HECW2: variants seen among roughly 807,000 people sequenced by gnomAD.
HECW2 encodes HECT, C2 and WW domain containing E3 ubiquitin protein ligase 2.
HECW2 carries 61 observed loss-of-function variants against 175.2 expected under a neutral mutation model. The observed-to-expected ratio is 0.35, with a 90% CI of 0.28 to 0.43. The LOEUF (loss-of-function observed/expected upper bound fraction) is 0.43, where lower values mean the gene tolerates loss of function less well. Among genes scored for constraint, HECW2 ranks in the 20% least tolerant of loss-of-function variants. HECW2 has a pLI of 1.00. For missense variants in HECW2, 1,524 were observed against 2,000.5 expected (o/e 0.76, Z 4.54); for synonymous variants, 671 against 731.0 (o/e 0.92, Z 1.32).
intron 28 of HECW2, among the ~76,000 whole-genome samples, chr2:196,208,913 T>C (rs535002968): frequency 5.3e-5 from 8 of 152,152 alleles, no homozygotes; most frequent in South Asian, 2.1e-4. Flanking sequence ...CTTGAGATGT[T>C]TGCAGATCCC....
At chr2:196,582,695 C>A (rs1380806611) in intron 1 of HECW2, among the ~76,000 whole-genome samples, 1 of 152,194 alleles carries the variant, frequency 6.6e-6, no homozygotes. Flanking sequence ...TGATCCAGAA[C>A]AGGTACTGCG....
At chr2:196,491,377 C>T (rs868197374) in intron 1 of HECW2, among the ~76,000 whole-genome samples, 8,981 of 147,684 alleles carry the variant, frequency 0.061, 522 homozygotes, top group African/African-American at 0.14. Flanking sequence ...TATACACACA[C>T]ACACACACAC....
At chr2:196,379,279 T>C (rs1261199998) in intron 2 of HECW2, among the ~76,000 whole-genome samples, 1 of 152,102 alleles carries the variant, frequency 6.6e-6, no homozygotes, top group African/African-American at 2.4e-5. Flanking sequence ...GAGGCTGTGA[T>C]TGGGAGTATG....
At chr2:196,279,312 T>G (rs2105989292) in intron 14 of HECW2, among the ~76,000 whole-genome samples, 1 of 152,318 alleles carries the variant, frequency 6.6e-6, no homozygotes, top group South Asian at 2.1e-4. Context: ...CCTCCCAAAG[T>G]GCTGGGATTA....
At chr2:196,225,420 A>C (rs1324380717) in intron 23 of HECW2, among the ~76,000 whole-genome samples, 1 of 152,226 alleles carries the variant, frequency 6.6e-6, no homozygotes, top group Non-Finnish European at 1.5e-5. Context: ...TGAGTCACTA[A>C]GACTAACCCA....
chr2:196,358,861 G>A (rs1693482783), intron 2 of HECW2, among the ~76,000 whole-genome samples: 1 of 152,140 alleles, frequency 6.6e-6, no homozygotes, highest in East Asian at 1.9e-4. Context: ...TACAGTGATT[G>A]TAAACTATGC....
intron 19 of HECW2, among the ~76,000 whole-genome samples, chr2:196,248,437 A>G (rs1688726254): frequency 6.6e-6 from 1 of 152,074 alleles, no homozygotes. Flanking sequence ...CCCAGGGAGC[A>G]TCCTTCATTT....
intron 14 of HECW2, chr2:196,289,602 G>C (rs1311154572): frequency 6.6e-6 from 1 of 152,154 alleles, no homozygotes; most frequent in East Asian, 1.9e-4. Flanking sequence ...ACCAGCCCAG[G>C]TTAGAAATGG....
At chr2:196,265,257 G>A (rs1015006159) in intron 17 of HECW2, among the ~76,000 whole-genome samples, 2 of 152,202 alleles carry the variant, frequency 1.3e-5, no homozygotes, top group East Asian at 1.9e-4. Flanking sequence ...GGCCCAGGAA[G>A]GCAGATCACT....
chr2:196,474,334 T>C (rs1368678004), intron 1 of HECW2, among the ~76,000 whole-genome samples: 1 of 152,188 alleles, frequency 6.6e-6, no homozygotes, highest in Non-Finnish European at 1.5e-5. Context: ...TGTAAGAAAG[T>C]GCACATCAGC....
At chr2:196,342,087 A>T (rs546722089) in intron 3 of HECW2, among the ~76,000 whole-genome samples, 1 of 152,284 alleles carries the variant, frequency 6.6e-6, no homozygotes, top group East Asian at 1.9e-4. Flanking sequence ...GAAAAAGTTT[A>T]AAAAGCCCAT....
At chr2:196,380,932 A>G (rs1694191216) in intron 2 of HECW2, among the ~76,000 whole-genome samples, 1 of 152,178 alleles carries the variant, frequency 6.6e-6, no homozygotes, top group African/African-American at 2.4e-5. Flanking sequence ...CCAGAGTTCT[A>G]AAAAAGTTGA....
At chr2:196,223,913 T>A (rs1559446525) in intron 23 of HECW2, among the ~76,000 whole-genome samples, 1 of 152,142 alleles carries the variant, frequency 6.6e-6, no homozygotes, top group Non-Finnish European at 1.5e-5. Context: ...AGGAAATGGT[T>A]TTATTGGGGG....
At position 196,301,197 on chromosome 2, in the gene HECW2, G is replaced by T. The variant is rs145172419; in HGVS notation, c.2814+5291C>A. Among the ~76,000 whole-genome samples, 912 of 152,216 alleles carry T rather than the reference G, an allele frequency of 6.0e-3. 8 individuals carry two copies. Among genetic ancestry groups the T allele is most frequent in the Non-Finnish European group, 7.9e-3 (536 of 68,008 alleles). ...CCAACTCCATCCATGCCTCTGGAAAGGACATGATTGCATTCCTTTTTATGA... is the reference window on the plus strand; with the variant it reads ...CCAACTCCATCCATGCCTCTGGAAATGACATGATTGCATTCCTTTTTATGA... On this transcript the variant is annotated intron_variant, in intron 13 of 28. Coordinates refer to ENST00000644978, the MANE Select transcript of HECW2 (RefSeq NM_001348768.2).
intron 7 of HECW2, 91 bp from the exon 8 acceptor site, chr2:196,320,530 C>A: frequency 1.4e-6 from 1 of 717,384 alleles, no homozygotes; most frequent in Non-Finnish European, 2.5e-6. Flanking sequence ...TCCCTCCTAT[C>A]TCTCTTAAAA....
intron 1 of HECW2, among the ~76,000 whole-genome samples, chr2:196,532,096 A>G (rs1218356163): frequency 6.6e-6 from 1 of 152,242 alleles, no homozygotes; most frequent in Non-Finnish European, 1.5e-5. Context: ...TAAAACTAGA[A>G]ATACCATTTG....
In HECW2 at chr2:196,225,286, C is replaced by T. The variant is rs534210059; in HGVS notation, c.4016+486G>A. ...TAAGAAACATATGGCACTGTCCACC[C>T]TTGACAAACAAATAAAAAACAAAAC... is the stretch of plus-strand genomic sequence containing the variant. On this transcript the variant is annotated intron_variant, in intron 23 of 28. Transcript: ENST00000644978. Among the ~76,000 whole-genome samples, 65 of 152,262 alleles carry T rather than the reference C, an allele frequency of 4.3e-4. 2 individuals are homozygous for T. In the South Asian group the frequency reaches 0.013, roughly 32 times the overall value.
intron 4 of HECW2, among the ~76,000 whole-genome samples, chr2:196,332,363 TGCCCATGAGGTACA>T (rs1202183623): frequency 6.6e-6 from 1 of 152,126 alleles, no homozygotes; most frequent in African/African-American, 2.4e-5. Flanking sequence ...CAAAATGAGG[TGCCCATGAGGTACA>T]GCCTTTCAAT....
chr2:196,298,528 C>T (rs950969518), intron 13 of HECW2, among the ~76,000 whole-genome samples: 1 of 151,836 alleles, frequency 6.6e-6, no homozygotes, highest in Non-Finnish European at 1.5e-5. Flanking sequence ...TTTAAGTTCT[C>T]GGGTACATGT....
Sources: gnomAD v4.1 joint callset for allele counts (sites outside exome capture counted in the v4.1 genomes callset) on GRCh38, gnomAD v4.1.1 for gene constraint, MANE v1.5 for transcripts, NCBI Gene and HGNC (gene_info 2026-07-23, HGNC 2026-07-21) for gene names.